TCHP: variants seen among roughly 807,000 people sequenced by gnomAD.
TCHP encodes trichoplein keratin filament binding, also known as trichoplein keratin filament-binding protein.
A neutral mutation model predicts 88.7 loss-of-function variants in TCHP; 81 were observed. That is an observed-to-expected ratio of 0.91 (90% CI 0.76 to 1.10). TCHP has a LOEUF of 1.10. TCHP is among the 50% of genes least tolerant of loss of function. TCHP has a pLI of 0.00. For missense variants in TCHP, 641 were observed against 632.1 expected (o/e 1.01, Z -0.15); for synonymous variants, 232 against 232.5 (o/e 1.00, Z 0.02).
rs997307761 is a variant in TCHP at position 109,904,019 on chromosome 12, A to G, written c.271A>G (p.Met91Val). The G allele has an allele frequency of 2.5e-6, 4 of 1,607,982 alleles. No homozygotes were observed. The highest frequency in any genetic ancestry group is 3.4e-6 in the Non-Finnish European group (4 of 1,176,302). Reference sequence around the variant, plus strand: ...CCGACGGGAAAAGCTCAGGCAGCTCATGCAGGAGGAGCAGGACCTGCTGGC... The same window carrying G: ...CCGACGGGAAAAGCTCAGGCAGCTCGTGCAGGAGGAGCAGGACCTGCTGGC... ...EARREKLRQL[M>V]QEEQDLLARE... Residue 91 changes from methionine (M) to valine (V), a missense_variant, in exon 3 of 13, where the codon ATG (methionine) becomes GTG (valine). Physicochemically the swap from Met to Val is conservative, Grantham distance 21. Coordinates refer to ENST00000405876, the MANE Select transcript of TCHP (RefSeq NM_001143852.2).
chr12:109,898,044 C>T (rs531445207), upstream of TCHP, among the ~76,000 whole-genome samples: 1 of 152,258 alleles, frequency 6.6e-6, no homozygotes, highest in South Asian at 2.1e-4. Context: ...AACTTGAGGA[C>T]TCTTATGCAC....
intron 1 of TCHP, chr12:109,900,789 T>C (rs1330635606): frequency 6.6e-6 from 1 of 152,220 alleles, no homozygotes; most frequent in Non-Finnish European, 1.5e-5. Context: ...GCCTGCCGGC[T>C]ACATTTGGAC....
chr12:109,908,957 C>T lies in TCHP; in HGVS notation c.879+20C>T, dbSNP rs1458234947. On this transcript the variant is annotated intron_variant, in intron 8 of 12. Coordinates refer to ENST00000405876, the MANE Select transcript of TCHP (RefSeq NM_001143852.2). Reference sequence around the variant, plus strand: ...GAGCTGGTAAGTCTGAAGAGACAGCCTGACATCTTTCTTAGCCTCTTTTGT... The same window carrying T: ...GAGCTGGTAAGTCTGAAGAGACAGCTTGACATCTTTCTTAGCCTCTTTTGT... 6.2e-7 allele frequency: 1 copy of T among 1,613,238 alleles called. No individual in the cohort carries two copies. The highest frequency in any genetic ancestry group is 1.1e-5 in the South Asian group (1 of 91,034).
At position 109,905,030 on chromosome 12, in the gene TCHP, T is replaced by G; in HGVS notation, c.456+237T>G. 1 of 526,302 alleles carries G rather than the reference T, an allele frequency of 1.9e-6. No homozygotes were observed. 32.6% of individuals were successfully genotyped at this position (526,302 alleles called of 1,614,324 possible). ...GGTCTGCCAGGTGCGGGCATGGAGA[T>G]TAGACATGGTTTCTGCTCATTAGCT... On this transcript the variant is annotated intron_variant, in intron 4 of 12. Coordinates refer to ENST00000405876, the MANE Select transcript of TCHP (RefSeq NM_001143852.2). This position sits in a 1 kb window ranked among gnomAD's most constrained non-coding sequence, Gnocchi z 4.0.
chr12:109,909,483 T>C (rs189550039), intron 8 of TCHP, among the ~76,000 whole-genome samples: 4 of 152,268 alleles, frequency 2.6e-5, no homozygotes, highest in Admixed American at 2.6e-4. Context: ...CTAATTGAGG[T>C]TGCATTCCTC....
the TCHP span, among the ~76,000 whole-genome samples, chr12:109,887,304 C>A: frequency 6.6e-6 from 1 of 151,694 alleles, no homozygotes; most frequent in African/African-American, 2.4e-5. Flanking sequence ...AGCCTGTAAT[C>A]CCAGCTACTC....
chr12:109,902,950 G>T, intron 1 of TCHP, 77 bp from the exon 2 acceptor site: 4 of 1,290,390 alleles, frequency 3.1e-6, no homozygotes, highest in Non-Finnish European at 4.2e-6. Flanking sequence ...GTGACCACTC[G>T]TTAAAGGGAT....
At chr12:109,896,917 C>G (rs1047390112), upstream of TCHP, among the ~76,000 whole-genome samples, 1 of 151,934 alleles carries the variant, frequency 6.6e-6, no homozygotes, top group Non-Finnish European at 1.5e-5. Flanking sequence ...GACTCTGTCT[C>G]AAATATATAT....
At chr12:109,888,648 G>A in the TCHP span, among the ~76,000 whole-genome samples, 8,452 of 152,240 alleles carry the variant, frequency 0.056, 374 homozygotes, top group African/African-American at 0.12. Context: ...TCCAATAAAC[G>A]CACCTTCTTT....
upstream of TCHP, among the ~76,000 whole-genome samples, chr12:109,897,775 A>T (rs1464527877): frequency 6.6e-6 from 1 of 152,054 alleles, no homozygotes; most frequent in Non-Finnish European, 1.5e-5. Flanking sequence ...CCAGGCTGGT[A>T]TCGAACTCCT....
intron 3 of TCHP, among the ~76,000 whole-genome samples, chr12:109,904,488 A>C (rs2088364027): frequency 6.6e-6 from 1 of 151,568 alleles, no homozygotes; most frequent in East Asian, 1.9e-4. Flanking sequence ...TTATTTTGAG[A>C]CCCCCTAGAT....
At chr12:109,908,816 T>C (rs1156493870) in intron 7 of TCHP, 55 bp from the exon 8 acceptor site, 2 of 1,588,986 alleles carry the variant, frequency 1.3e-6, no homozygotes, top group African/African-American at 1.3e-5. Context: ...TTATCTAACT[T>C]CTATTTAATT....
chr12:109,908,981 G>T, intron 8 of TCHP, 44 bp downstream of exon 8: 2 of 1,581,664 alleles, frequency 1.3e-6, no homozygotes, highest in South Asian at 2.2e-5. Context: ...AGCCTCTTTT[G>T]TAAAAAAGGC....
upstream of TCHP, among the ~76,000 whole-genome samples, chr12:109,899,899 A>G (rs1280298398): frequency 6.6e-6 from 1 of 152,018 alleles, no homozygotes; most frequent in Admixed American, 6.5e-5. Context: ...CCTGGGCTCA[A>G]CTGATCCTCC....
Position 109,917,251 on chromosome 12 carries a change from T to C in TCHP, c.*628T>C, listed in dbSNP as rs1289762965. On this transcript the variant is annotated 3_prime_UTR_variant, in exon 13 of 13. Transcript: ENST00000405876. ...GAGTCTTTCCTCCTCCAGGAAGCAT[T>C]TTGGTAGAATTTCCATAGAGCATTG... 6.6e-6 allele frequency: 1 copy of C among 152,142 alleles called. No individual in the cohort carries two copies. The highest frequency in any genetic ancestry group is 2.4e-5 in the African/African-American group (1 of 41,406). 9.4% of individuals were successfully genotyped at this position (152,142 alleles called of 1,614,324 possible). A position where few individuals can be genotyped will look rare whatever the true frequency, so the allele number is the denominator to read the frequency against.
rs780065659 is a variant in TCHP, at chr12:109,903,988, G to C, written c.240G>C (p.Leu80=). 1.4e-5 allele frequency: 23 copies of C among 1,611,374 alleles called. No individual in the cohort carries two copies. The highest frequency in any genetic ancestry group is 2.0e-5 in the Non-Finnish European group (23 of 1,178,926). Residue 80 remains leucine (L), a synonymous_variant, in exon 3 of 13, where the codon CTG becomes CTC. Coordinates refer to ENST00000405876, the MANE Select transcript of TCHP (RefSeq NM_001143852.2). This position sits in a 1 kb window ranked among gnomAD's most constrained non-coding sequence, Gnocchi z 4.6. ...EKMKEEKRRS[L]EARREKLRQL... ...TGAAGGAGGAGAAGAGGAGGAGTCTGGAGGCCCGACGGGAAAAGCTCAGGC... is the reference window on the plus strand; with the variant it reads ...TGAAGGAGGAGAAGAGGAGGAGTCTCGAGGCCCGACGGGAAAAGCTCAGGC...
chr12:109,891,198 A>C, the TCHP span, among the ~76,000 whole-genome samples: 1 of 152,184 alleles, frequency 6.6e-6, no homozygotes, highest in Non-Finnish European at 1.5e-5. Context: ...TTGAAGCAAA[A>C]TCTAAAGACC....
chr12:109,915,257 C>T, intron 11 of TCHP, 146 bp from the exon 12 acceptor site: 1 of 1,085,546 alleles, frequency 9.2e-7, no homozygotes, highest in Non-Finnish European at 1.4e-6. Flanking sequence ...CCCGCATGCT[C>T]CCTTCCGTTC....
chr12:109,915,876 C>T (rs1870793704), intron 12 of TCHP, among the ~76,000 whole-genome samples: 1 of 152,186 alleles, frequency 6.6e-6, no homozygotes, highest in Non-Finnish European at 1.5e-5. Context: ...TAGATCTAGG[C>T]CTCAACTGTT....
Sources: allele counts gnomAD v4.1 joint callset (sites outside exome capture counted in the v4.1 genomes callset), GRCh38; gene constraint gnomAD v4.1.1; non-coding constraint Gnocchi (gnomAD v3.1); transcripts MANE v1.5; gene names NCBI Gene and HGNC (gene_info 2026-07-23, HGNC 2026-07-21).